SLC68A1: variants seen among roughly 807,000 people sequenced by gnomAD.
SLC68A1 encodes the protein solute carrier family 68 member 1, also known as major facilitator superfamily domain containing 13A.
At chr10:102,473,713 C>T in the SLC68A1 span, 5 of 1,613,764 alleles carry the variant, frequency 3.1e-6, no homozygotes, top group South Asian at 1.1e-5. Flanking sequence ...CCCGGACCAC[C>T]TCAGCCTGCT....
the SLC68A1 span, among the ~76,000 whole-genome samples, chr10:102,473,239 T>C: frequency 3.9e-5 from 6 of 151,920 alleles, no homozygotes; most frequent in African/African-American, 1.2e-4. Context: ...CTCTTGGAGA[T>C]GGTGGCACCC....
chr10:102,472,118 G>C, the SLC68A1 span: 5 of 436,972 alleles, frequency 1.1e-5, no homozygotes, highest in African/African-American at 1.0e-4. Context: ...AGTTATGATT[G>C]CACCACTGCA....
chr10:102,470,192 C>T, the SLC68A1 span: 2 of 950,658 alleles, frequency 2.1e-6, no homozygotes, highest in Non-Finnish European at 3.2e-6. Context: ...TTCAGTGTTG[C>T]CCATGGCTCT....
chr10:102,475,964 C>T, the SLC68A1 span: 5 of 1,609,326 alleles, frequency 3.1e-6, no homozygotes, highest in Non-Finnish European at 4.2e-6. Flanking sequence ...GGCCCAAACC[C>T]TGGATGTTAA....
At chr10:102,473,535 C>T in the SLC68A1 span, 2 of 1,564,700 alleles carry the variant, frequency 1.3e-6, no homozygotes, top group Non-Finnish European at 1.7e-6. Flanking sequence ...TGCAGCAGTG[C>T]CCTTGACAAG....
chr10:102,476,640 C>T, the SLC68A1 span: 1 of 986,088 alleles, frequency 1.0e-6, no homozygotes, highest in Non-Finnish European at 1.2e-6. Flanking sequence ...TCTGGCTCAG[C>T]TTGGGCAAGG....
chr10:102,473,607 C>T, the SLC68A1 span: 198 of 1,613,390 alleles, frequency 1.2e-4, no homozygotes, highest in African/African-American at 2.2e-3. Flanking sequence ...ACAACCTCTA[C>T]TTCCTGTCCC....
chr10:102,476,273 G>C, the SLC68A1 span: 2 of 353,976 alleles, frequency 5.7e-6, no homozygotes, highest in South Asian at 1.1e-4. Context: ...TCATCATGTT[G>C]GCCAGGCTAG....
chr10:102,467,327 C>T, the SLC68A1 span, among the ~76,000 whole-genome samples: 3 of 152,196 alleles, frequency 2.0e-5, no homozygotes, highest in Non-Finnish European at 2.9e-5. Flanking sequence ...TGAGCCACTC[C>T]GCCCAGCCCC....
the SLC68A1 span, chr10:102,476,925 G>T: frequency 1.0e-6 from 1 of 985,724 alleles, no homozygotes; most frequent in South Asian, 4.7e-5. Flanking sequence ...AGGTTTCTCT[G>T]CTTCAGCTGT....
chr10:102,472,875 AG>A, the SLC68A1 span: 1 of 1,614,188 alleles, frequency 6.2e-7, no homozygotes, highest in South Asian at 1.1e-5. Context: ...CCACTTCAAC[AG>A]CAACTTCTTC....
chr10:102,463,938 A>G, the SLC68A1 span, among the ~76,000 whole-genome samples: 12 of 152,176 alleles, frequency 7.9e-5, no homozygotes, highest in African/African-American at 2.9e-4. Flanking sequence ...ATGGCAGACA[A>G]GAGGGGCTAG....
At chr10:102,466,969 G>A in the SLC68A1 span, among the ~76,000 whole-genome samples, 9 of 152,232 alleles carry the variant, frequency 5.9e-5, no homozygotes, top group African/African-American at 2.2e-4. Flanking sequence ...CTCCATTTTA[G>A]GGAAGGGCTG....
chr10:102,475,411 C>T, the SLC68A1 span, among the ~76,000 whole-genome samples: 1 of 151,788 alleles, frequency 6.6e-6, no homozygotes, highest in Non-Finnish European at 1.5e-5. Context: ...GAGACTTGGG[C>T]CAGGGTGGTG....
the SLC68A1 span, chr10:102,476,484 C>T: frequency 9.1e-6 from 9 of 985,200 alleles, no homozygotes; most frequent in Non-Finnish European, 1.1e-5. Flanking sequence ...GGAATACAGG[C>T]ATGAGCCACC....
chr10:102,476,762 G>A, the SLC68A1 span: 1 of 985,924 alleles, frequency 1.0e-6, no homozygotes, highest in Non-Finnish European at 1.2e-6. Context: ...CATGGGGCGT[G>A]GGAGCCCATC....
chr10:102,465,231 C>T, the SLC68A1 span, among the ~76,000 whole-genome samples: 1 of 152,046 alleles, frequency 6.6e-6, no homozygotes, highest in Non-Finnish European at 1.5e-5. Flanking sequence ...TGCACTCCAG[C>T]CTGGGCGACA....
chr10:102,470,042 T>C, the SLC68A1 span: 1 of 1,614,084 alleles, frequency 6.2e-7, no homozygotes, highest in South Asian at 1.1e-5. Context: ...TTCGGTTGGC[T>C]CAGTGACCGG....
At chr10:102,463,703 C>G in the SLC68A1 span, among the ~76,000 whole-genome samples, 1 of 152,146 alleles carries the variant, frequency 6.6e-6, no homozygotes, top group Admixed American at 6.6e-5. Flanking sequence ...CACCTACTAG[C>G]TTTGTAACTT....
Sources: gnomAD v4.1 joint callset for allele counts (sites outside exome capture counted in the v4.1 genomes callset) on GRCh38, gnomAD v4.1.1 for gene constraint, MANE v1.5 for transcripts, NCBI Gene and HGNC (gene_info 2026-07-23, HGNC 2026-07-21) for gene names.